Variants in EPHA7 observed in about 807,000 individuals in gnomAD.
EPHA7 encodes EPH receptor A7, also known as ephrin type-A receptor 7.
In EPHA7, 25 loss-of-function variants were observed where a neutral mutation model predicts 112.6. The observed-to-expected ratio is 0.22, with a 90% CI of 0.16 to 0.31. The LOEUF (loss-of-function observed/expected upper bound fraction) is 0.31, where lower values mean the gene tolerates loss of function less well. Among genes scored for constraint, EPHA7 ranks in the 10% least tolerant of loss-of-function variants. The pLI, the probability that EPHA7 is intolerant of heterozygous loss-of-function variation, is 1.00. For synonymous variants in EPHA7, 437 were observed against 406.5 expected, an observed-to-expected ratio of 1.07 and a Z score of -0.90; for missense variants, 962 against 1,212.6, an observed-to-expected ratio of 0.79 and a Z score of 3.07.
At chr6:93,415,018 A>G (rs1779157933) in intron 1 of EPHA7, among the ~76,000 whole-genome samples, 2 of 152,152 alleles carry the variant, frequency 1.3e-5, no homozygotes, top group Non-Finnish European at 1.5e-5. Flanking sequence ...TTAAAATGCA[A>G]TATTAGAATG....
chr6:93,419,149 G>T, intron 1 of EPHA7, 96 bp downstream of exon 1: 2 of 1,014,254 alleles, frequency 2.0e-6, no homozygotes, highest in Non-Finnish European at 2.7e-6. Flanking sequence ...GCCCGGCGCC[G>T]GAGGCGCGGC....
intron 5 of EPHA7, among the ~76,000 whole-genome samples, chr6:93,347,027 G>T (rs1775437277): frequency 6.6e-6 from 1 of 151,744 alleles, no homozygotes; most frequent in Admixed American, 6.6e-5. Context: ...CATCATTATG[G>T]ACTATTCCAG....
At chr6:93,371,910 T>G (rs531524172) in intron 3 of EPHA7, among the ~76,000 whole-genome samples, 3 of 152,112 alleles carry the variant, frequency 2.0e-5, no homozygotes, top group Admixed American at 2.0e-4. Context: ...AATGAAGTGG[T>G]TAAGAACATA....
At chr6:93,358,565 C>A (rs1776077470) in intron 3 of EPHA7, among the ~76,000 whole-genome samples, 154 bp from the exon 4 acceptor site, 2 of 152,104 alleles carry the variant, frequency 1.3e-5, no homozygotes, top group Admixed American at 6.6e-5. Flanking sequence ...ATTTCACTAG[C>A]CAAATGTTAT....
At chr6:93,399,308 C>T (rs1306491162) in intron 3 of EPHA7, among the ~76,000 whole-genome samples, 1 of 152,032 alleles carries the variant, frequency 6.6e-6, no homozygotes, top group African/African-American at 2.4e-5. Flanking sequence ...CTTTCTCTTC[C>T]CTTCCCAGAC....
At position 93,272,167 on chromosome 6, in the gene EPHA7, T is replaced by A. The variant is rs551249885; in HGVS notation, c.1449+131A>T. On this transcript the variant is annotated intron_variant, in intron 6 of 16. Coordinates refer to ENST00000369303, the MANE Select transcript of EPHA7 (RefSeq NM_004440.4). ...GATTCACAGAGATGGTTATTATAAA[T>A]GGCTAAAATTAACTACGAAGTTTGA... is the stretch of plus-strand genomic sequence containing the variant. The A allele has an allele frequency of 6.1e-5, 56 of 920,708 alleles. 1 individual carries two copies. The East Asian group carries it at 1.4e-3, about 23-fold the overall frequency. 57.0% of individuals were successfully genotyped at this position (920,708 alleles called of 1,614,324 possible).
chr6:93,338,714 CAG>C (rs1774995177), intron 5 of EPHA7, among the ~76,000 whole-genome samples: 1 of 151,726 alleles, frequency 6.6e-6, no homozygotes, highest in South Asian at 2.1e-4. Context: ...AAAACAGCTA[CAG>C]AGAGTTGATC....
intron 3 of EPHA7, among the ~76,000 whole-genome samples, chr6:93,359,870 G>GAT (rs1554185696): frequency 4.7e-4 from 62 of 131,214 alleles, no homozygotes; most frequent in African/African-American, 1.6e-3. Flanking sequence ...GAGAGAGAGA[G>GAT]AGAGAGATAG....
chr6:93,393,414 C>A (rs1050124234), intron 3 of EPHA7, among the ~76,000 whole-genome samples: 43 of 151,678 alleles, frequency 2.8e-4, no homozygotes, highest in Admixed American at 1.4e-3. Flanking sequence ...ATATTTAGTA[C>A]CCTTTTAGTC....
intron 5 of EPHA7, among the ~76,000 whole-genome samples, chr6:93,294,729 G>A (rs1316124041): frequency 6.6e-6 from 1 of 151,850 alleles, no homozygotes; most frequent in African/African-American, 2.4e-5. Context: ...ATTTTTACAT[G>A]CTCAGCTTAA....
chr6:93,373,525 C>G (rs1651506902), intron 3 of EPHA7, among the ~76,000 whole-genome samples: 2 of 152,068 alleles, frequency 1.3e-5, no homozygotes, highest in Admixed American at 1.3e-4. Flanking sequence ...GGTTCTCACT[C>G]TTGCCATTGA....
At position 93,287,586 on chromosome 6, in the gene EPHA7, G is replaced by T. The variant is rs1397302846; in HGVS notation, c.1325-15164C>A. 6.0e-5 allele frequency among the ~76,000 whole-genome samples: 9 copies of T among 150,072 alleles called. No individual in the cohort carries two copies. In the Admixed American group the frequency reaches 6.0e-4, roughly 10 times the overall value. ...GTACCTGTGCAGGTATGTTATATAG[G>T]TAAACTCGTGTCATGGGGGTTTGTT... On this transcript the variant is annotated intron_variant, in intron 5 of 16. Coordinates refer to ENST00000369303, the MANE Select transcript of EPHA7 (RefSeq NM_004440.4).
chr6:93,314,113 CATTT>C (rs1450252743), intron 5 of EPHA7, among the ~76,000 whole-genome samples: 1 of 151,654 alleles, frequency 6.6e-6, no homozygotes, highest in Non-Finnish European at 1.5e-5. Flanking sequence ...TCTCTTCATT[CATTT>C]ATTTCAATTG....
chr6:93,287,525 C>CTT lies in EPHA7; in HGVS notation c.1325-15105_1325-15104dup, dbSNP rs552818821. Among the ~76,000 whole-genome samples, 30 of 138,504 alleles carry CTT rather than the reference C, an allele frequency of 2.2e-4. No individual in the cohort carries two copies. In the East Asian group the frequency reaches 2.6e-3, roughly 12 times the overall value. The allele number at this position is 138,504 out of a possible 152,430, so 90.9% of individuals were successfully genotyped here. On this transcript the variant is annotated intron_variant, in intron 5 of 16. Transcript: ENST00000369303. ...TAGTTTTTCTCCTGTCTGGTTGATT[C>CTT]TTTTTTTTTTTTTAACTTTTATTTT...
chr6:93,333,042 C>A (rs1774675190), intron 5 of EPHA7, among the ~76,000 whole-genome samples: 1 of 151,678 alleles, frequency 6.6e-6, no homozygotes, highest in Admixed American at 6.6e-5. Flanking sequence ...CTCCAAAACT[C>A]CACCCTCAAG....
At chr6:93,312,787 C>A (rs758933526) in intron 5 of EPHA7, among the ~76,000 whole-genome samples, 1 of 152,088 alleles carries the variant, frequency 6.6e-6, no homozygotes, top group African/African-American at 2.4e-5. Context: ...AAGTGAGAGA[C>A]CTGCAGCTCT....
chr6:93,309,001 T>C (rs1238403616), intron 5 of EPHA7, among the ~76,000 whole-genome samples: 2 of 151,580 alleles, frequency 1.3e-5, no homozygotes, highest in Non-Finnish European at 2.9e-5. Context: ...CAGGCTGGAG[T>C]GCAATGGCAT....
chr6:93,357,337 TTAAC>T (rs1159673993), intron 4 of EPHA7, among the ~76,000 whole-genome samples: 1 of 152,184 alleles, frequency 6.6e-6, no homozygotes, highest in East Asian at 1.9e-4. Flanking sequence ...GCCACAGTCT[TTAAC>T]TATTTTTCTT....
Position 93,243,322 on chromosome 6 carries a change from G to T in EPHA7, c.*104C>A. ...TAAATCTTCTCTTCACTGTTGGAAG[G>T]ACCCAGGACATCACTTGTCTTCTAG... On this transcript the variant is annotated 3_prime_UTR_variant, in exon 17 of 17. Transcript: ENST00000369303. The T allele has an allele frequency of 1.3e-6, 1 of 774,336 alleles. No individual in the cohort carries two copies. Among genetic ancestry groups the T allele is most frequent in the Non-Finnish European group, 2.1e-6 (1 of 473,412 alleles). The allele number at this position is 774,336 out of a possible 1,614,324, so 48.0% of individuals were successfully genotyped here.
Sources: gnomAD v4.1 joint callset for allele counts (sites outside exome capture counted in the v4.1 genomes callset) on GRCh38, gnomAD v4.1.1 for gene constraint, MANE v1.5 for transcripts, NCBI Gene and HGNC (gene_info 2026-07-23, HGNC 2026-07-21) for gene names.